The following RANBP2 variants were observed in gnomAD, a reference collection of about 807,000 sequenced individuals.
RANBP2 encodes the protein E3 SUMO-protein ligase RanBP2.
Under a neutral mutation model 303.6 loss-of-function variants are expected in RANBP2, and 57 were observed. The ratio of observed to expected loss-of-function variants is 0.19; its 90% CI spans 0.15 to 0.23. The LOEUF (loss-of-function observed/expected upper bound fraction) is 0.23. Ranked by LOEUF, RANBP2 falls within the 10% of genes least tolerant of loss-of-function variation. The pLI, the probability that RANBP2 is intolerant of heterozygous loss-of-function variation, is 1.00. For missense variants in RANBP2, 3,138 were observed against 3,780.8 expected, an observed-to-expected ratio of 0.83 and a Z score of 4.46; for synonymous variants, 1,167 against 1,301.5, an observed-to-expected ratio of 0.90 and a Z score of 2.23.
At chr2:108,744,468 A>G (rs1259603974) in intron 7 of RANBP2, among the ~76,000 whole-genome samples, 1 of 152,152 alleles carries the variant, frequency 6.6e-6, no homozygotes, top group Non-Finnish European at 1.5e-5. Flanking sequence ...CAACTAATTA[A>G]CTGGTCACAG....
At chr2:109,453,894 G>A in the RANBP2 span, among the ~76,000 whole-genome samples, 1 of 152,332 alleles carries the variant, frequency 6.6e-6, no homozygotes, top group Non-Finnish European at 1.5e-5. Flanking sequence ...CTGAGCAGAG[G>A]CCAGGGGACA....
rs563394005 is a variant in RANBP2 at position 108,723,546 on chromosome 2, G to A, written c.72+3868G>A. Among the ~76,000 whole-genome samples, 456 of 152,022 alleles carry A rather than the reference G, an allele frequency of 3.0e-3. 3 individuals carry two copies. Among genetic ancestry groups the A allele is most frequent in the South Asian group, 4.8e-3 (23 of 4,818 alleles). ...CGCCTCAGCCTCCCAAAGTGCCGGG[G>A]TTACAGGCGTGAGCCACCGCGCCGG... On this transcript the variant is annotated intron_variant, in intron 1 of 28. Transcript: ENST00000283195.
the RANBP2 span, among the ~76,000 whole-genome samples, chr2:109,411,776 T>C: frequency 6.6e-6 from 1 of 152,202 alleles, no homozygotes; most frequent in Non-Finnish European, 1.5e-5. Flanking sequence ...ATTCTTCATC[T>C]TGACCTTTGG....
chr2:109,404,991 T>C, the RANBP2 span, among the ~76,000 whole-genome samples: 2 of 148,724 alleles, frequency 1.3e-5, no homozygotes, highest in African/African-American at 5.0e-5. Context: ...TTCTAACCCC[T>C]ATGTCTACAC....
chr2:109,287,624 A>G, the RANBP2 span, among the ~76,000 whole-genome samples: 1 of 152,132 alleles, frequency 6.6e-6, no homozygotes, highest in African/African-American at 2.4e-5. Context: ...GGATTTGTCC[A>G]ATGGGAGGCG....
At chr2:109,626,688 G>A in the RANBP2 span, among the ~76,000 whole-genome samples, 1 of 152,150 alleles carries the variant, frequency 6.6e-6, no homozygotes, top group South Asian at 2.1e-4. Context: ...CCAGAAGCTG[G>A]TACATTTCTT....
the RANBP2 span, among the ~76,000 whole-genome samples, chr2:109,417,560 AC>A: frequency 6.6e-6 from 1 of 151,964 alleles, no homozygotes; most frequent in African/African-American, 2.4e-5. Flanking sequence ...CAGGCACAGG[AC>A]CCCGACAGCC....
At chr2:108,788,584 G>A (rs933634573), downstream of RANBP2, among the ~76,000 whole-genome samples, 1 of 151,900 alleles carries the variant, frequency 6.6e-6, no homozygotes, top group African/African-American at 2.4e-5. Context: ...GCCGGGTGTG[G>A]TGGCGGGCTC....
At chr2:109,011,443 T>A in the RANBP2 span, among the ~76,000 whole-genome samples, 6 of 152,224 alleles carry the variant, frequency 3.9e-5, no homozygotes, top group Non-Finnish European at 8.8e-5. Context: ...TTGTATGTAA[T>A]CTGTTTTCTG....
the RANBP2 span, among the ~76,000 whole-genome samples, chr2:109,267,095 G>A: frequency 1.3e-5 from 2 of 152,156 alleles, no homozygotes; most frequent in Non-Finnish European, 2.9e-5. Context: ...GAATGCCTCT[G>A]GTCTCTGATG....
the RANBP2 span, among the ~76,000 whole-genome samples, chr2:109,412,658 C>T: frequency 1.3e-5 from 2 of 152,220 alleles, no homozygotes; most frequent in African/African-American, 2.4e-5. Context: ...GAGAAAGATA[C>T]GGGCTTACCG....
At chr2:108,851,574 A>G in the RANBP2 span, among the ~76,000 whole-genome samples, 1 of 152,084 alleles carries the variant, frequency 6.6e-6, no homozygotes. Flanking sequence ...AAGTGCTGAT[A>G]TTACAGGCGT....
At chr2:109,641,103 G>A in the RANBP2 span, among the ~76,000 whole-genome samples, 1 of 151,854 alleles carries the variant, frequency 6.6e-6, no homozygotes, top group Non-Finnish European at 1.5e-5. Flanking sequence ...AGAGACTTGG[G>A]TTTTGAAAAC....
At chr2:109,554,597 A>G in the RANBP2 span, among the ~76,000 whole-genome samples, 1 of 152,204 alleles carries the variant, frequency 6.6e-6, no homozygotes, top group Non-Finnish European at 1.5e-5. Flanking sequence ...AAGAACCCAG[A>G]GAAAACCTGT....
the RANBP2 span, among the ~76,000 whole-genome samples, chr2:108,860,447 A>G: frequency 6.6e-6 from 1 of 151,740 alleles, no homozygotes; most frequent in East Asian, 1.9e-4. Flanking sequence ...TTTCCCCATT[A>G]AATATGATAT....
chr2:109,614,571 C>T, the RANBP2 span: 12 of 1,375,114 alleles, frequency 8.7e-6, no homozygotes, highest in Admixed American at 3.3e-5. Context: ...GCGCGGGGGC[C>T]GGGCCCTGCA....
At chr2:109,301,478 C>CT in the RANBP2 span, among the ~76,000 whole-genome samples, 1 of 152,072 alleles carries the variant, frequency 6.6e-6, no homozygotes, top group Non-Finnish European at 1.5e-5. Context: ...TGGCAGGTGT[C>CT]TGAGGATGGA....
chr2:109,556,867 G>T, the RANBP2 span, among the ~76,000 whole-genome samples: 1 of 152,122 alleles, frequency 6.6e-6, no homozygotes, highest in African/African-American at 2.4e-5. Context: ...CATGTCCTTT[G>T]TAGGGACATG....
chr2:109,050,669 A>G, the RANBP2 span, among the ~76,000 whole-genome samples: 1 of 151,966 alleles, frequency 6.6e-6, no homozygotes, highest in South Asian at 2.1e-4. Flanking sequence ...GAGTCTGTGC[A>G]TCTGTACTTT....
Sources: gnomAD v4.1 joint callset for allele counts (sites outside exome capture counted in the v4.1 genomes callset) on GRCh38, gnomAD v4.1.1 for gene constraint, MANE v1.5 for transcripts, NCBI Gene and HGNC (gene_info 2026-07-23, HGNC 2026-07-21) for gene names.